AFAP1L2: variants seen among roughly 807,000 people sequenced by gnomAD.
AFAP1L2 encodes actin filament-associated protein 1-like 2.
AFAP1L2 carries 46 observed loss-of-function variants against 99.3 expected under a neutral mutation model. The observed-to-expected ratio is 0.46, with a 90% CI of 0.37 to 0.59. AFAP1L2 has a LOEUF of 0.59. AFAP1L2 is among the 20% of genes least tolerant of loss of function. AFAP1L2 has a pLI of 0.00. For missense variants in AFAP1L2, 959 were observed against 1,034.9 expected (o/e 0.93, Z 1.01); for synonymous variants, 397 against 419.1 (o/e 0.95, Z 0.64).
At chr10:114,337,459 A>T (rs762699373) in intron 2 of AFAP1L2, among the ~76,000 whole-genome samples, 2 of 152,234 alleles carry the variant, frequency 1.3e-5, no homozygotes, top group African/African-American at 4.8e-5. Context: ...GCTATTAACA[A>T]GTGGGCTTCG....
At position 114,301,377 on chromosome 10, in the gene AFAP1L2, C is replaced by G. The variant is rs1177630053; in HGVS notation, c.1519G>C (p.Asp507His). Residue 507 changes from aspartate (D) to histidine (H), a missense_variant, in exon 13 of 19, where the codon GAC becomes CAC. By Grantham distance (81) the Asp-to-His change is moderately conservative. Around this residue, in one of 2 missense-constraint regions of AFAP1L2, gnomAD observed 576 missense variants for 562.1 expected, o/e 1.02. Coordinates refer to ENST00000304129, the MANE Select transcript of AFAP1L2 (RefSeq NM_001001936.3). ...ACCGCAGCTGTGAGCTCTGACAGGT[C>G]CACGTCGTCATACAGCTCCTCCTGG... ...DRQEELYDDV[D>H]LSELTAAVEP... 5 of 1,614,080 alleles carry G rather than the reference C, an allele frequency of 3.1e-6. No homozygotes were observed. In the Admixed American group the frequency reaches 8.3e-5, roughly 27 times the overall value.
chr10:114,302,144 T>A, intron 12 of AFAP1L2, 195 bp downstream of exon 12: 1 of 804,502 alleles, frequency 1.2e-6, no homozygotes, highest in Non-Finnish European at 1.9e-6. Context: ...CTGGCTCGGC[T>A]CCTTGCTCTT....
At chr10:114,384,993 C>A (rs2056311162) in intron 1 of AFAP1L2, among the ~76,000 whole-genome samples, 1 of 152,184 alleles carries the variant, frequency 6.6e-6, no homozygotes, top group African/African-American at 2.4e-5. Context: ...GAACAGAGAC[C>A]CACATAGGCC....
At chr10:114,375,768 G>A (rs1455361813) in intron 1 of AFAP1L2, among the ~76,000 whole-genome samples, 2 of 152,092 alleles carry the variant, frequency 1.3e-5, no homozygotes, top group Non-Finnish European at 2.9e-5. Context: ...GAGTCCAGGA[G>A]TTCCAGACCA....
chr10:114,314,241 C>G (rs1473095171), intron 6 of AFAP1L2, among the ~76,000 whole-genome samples, 191 bp from the exon 7 acceptor site: 2 of 152,184 alleles, frequency 1.3e-5, no homozygotes, highest in Non-Finnish European at 2.9e-5. Context: ...CTGTTCTTCA[C>G]ATCAGATTGT....
chr10:114,297,824 AG>A (rs1219739469), intron 16 of AFAP1L2, among the ~76,000 whole-genome samples: 2 of 152,220 alleles, frequency 1.3e-5, no homozygotes, highest in Non-Finnish European at 2.9e-5. Context: ...CTAACAGAGC[AG>A]GAGTCCTCAG....
chr10:114,310,590 C>A, intron 7 of AFAP1L2, 147 bp from the exon 8 acceptor site: 1 of 690,870 alleles, frequency 1.4e-6, no homozygotes, highest in Non-Finnish European at 2.3e-6. Context: ...ACCCACCCGA[C>A]CCCAGCCCCA....
At chr10:114,363,317 G>T in intron 1 of AFAP1L2, 1 of 383,844 alleles carries the variant, frequency 2.6e-6, no homozygotes, top group Non-Finnish European at 3.6e-6. Flanking sequence ...CTGAGGCAGC[G>T]TTTCACTGGC....
At chr10:114,334,019 G>T (rs571843612) in intron 2 of AFAP1L2, among the ~76,000 whole-genome samples, 2 of 152,238 alleles carry the variant, frequency 1.3e-5, no homozygotes, top group African/African-American at 4.8e-5. Flanking sequence ...AGTTTAGTTC[G>T]CAGGCCTCTA....
intron 2 of AFAP1L2, among the ~76,000 whole-genome samples, chr10:114,336,034 T>C (rs967040277): frequency 2.0e-5 from 3 of 152,154 alleles, no homozygotes; most frequent in African/African-American, 7.2e-5. Context: ...GTTTTAAATG[T>C]TGGATTCTGA....
rs756020219 is a variant in AFAP1L2, at chr10:114,302,397, C to A, written c.1372G>T (p.Asp458Tyr). 3 of 1,614,158 alleles carry A rather than the reference C, an allele frequency of 1.9e-6. No homozygotes were observed. Among genetic ancestry groups the A allele is most frequent in the Admixed American group, 1.7e-5 (1 of 60,028 alleles). ...SKTDPEEFTY[D>Y]YVDADRVSCI... The stretch of plus-strand genomic sequence containing the variant: ...GAGACCCTATCGGCATCCACATAGT[C>A]GTAGGTGAACTCTTCTGGGTCTGTC... Residue 458 changes from aspartate (D) to tyrosine (Y), a missense_variant, in exon 12 of 19, where the codon GAC (aspartate) becomes TAC (tyrosine). Asp to Tyr is a radical substitution (Grantham distance 160). Transcript: ENST00000304129.
intron 1 of AFAP1L2, among the ~76,000 whole-genome samples, chr10:114,378,800 T>C (rs1338677685): frequency 2.6e-5 from 4 of 152,218 alleles, no homozygotes; most frequent in Non-Finnish European, 5.9e-5. Flanking sequence ...TTCCAGGCCA[T>C]GCACCAGATA....
intron 1 of AFAP1L2, among the ~76,000 whole-genome samples, chr10:114,341,841 T>C (rs1473274365): frequency 6.6e-6 from 1 of 152,026 alleles, no homozygotes; most frequent in Non-Finnish European, 1.5e-5. Flanking sequence ...TAGTTATCCG[T>C]ATAGATCTGC....
At chr10:114,312,644 G>A (rs144985750) in intron 7 of AFAP1L2, among the ~76,000 whole-genome samples, 162 of 152,344 alleles carry the variant, frequency 1.1e-3, no homozygotes, top group African/African-American at 3.8e-3. Context: ...CAGGGGTGAA[G>A]CCAGGATTTG....
In AFAP1L2 at chr10:114,295,187, C is replaced by T; in HGVS notation, c.*855G>A. ...ATCAGAGACTATTTATATTAAATAA[C>T]TCTTCCCTTAAAAATGGCCTGACCA... On this transcript the variant is annotated 3_prime_UTR_variant, in exon 19 of 19. Coordinates refer to ENST00000304129, the MANE Select transcript of AFAP1L2 (RefSeq NM_001001936.3). The T allele has an allele frequency of 1.0e-6, 1 of 985,734 alleles. No individual in the cohort carries two copies. Among genetic ancestry groups the T allele is most frequent in the Non-Finnish European group, 1.2e-6 (1 of 829,860 alleles). The allele number at this position is 985,734 out of a possible 1,614,324, so 61.1% of individuals were successfully genotyped here.
At chr10:114,315,324 A>G (rs2043944894) in intron 6 of AFAP1L2, among the ~76,000 whole-genome samples, 1 of 152,186 alleles carries the variant, frequency 6.6e-6, no homozygotes, top group Non-Finnish European at 1.5e-5. Flanking sequence ...GGTGGTAGTC[A>G]CAACCCCCTT....
intron 16 of AFAP1L2, 84 bp downstream of exon 16, chr10:114,299,176 G>A (rs947686828): frequency 1.3e-6 from 2 of 1,537,402 alleles, no homozygotes; most frequent in African/African-American, 1.4e-5. Context: ...GAGAAGGTGT[G>A]GTGACAGCCA....
At chr10:114,312,933 A>T (rs1296728317) in intron 7 of AFAP1L2, among the ~76,000 whole-genome samples, 2 of 152,184 alleles carry the variant, frequency 1.3e-5, no homozygotes, top group African/African-American at 4.8e-5. Context: ...CAAATCTAGG[A>T]TACTCAGCCT....
Position 114,378,410 on chromosome 10 carries a change from C to A in AFAP1L2, c.16+26030G>T, listed in dbSNP as rs541323677. Among the ~76,000 whole-genome samples the A allele has an allele frequency of 3.3e-5, 5 of 152,290 alleles. No homozygotes were observed. The East Asian group carries it at 9.6e-4, about 29-fold the overall frequency. ...GTGGAAGACACACCAAAATCAGAGCCCCTTCCAGGATAAGCTGATACACTT... is the reference window on the plus strand; with the variant it reads ...GTGGAAGACACACCAAAATCAGAGCACCTTCCAGGATAAGCTGATACACTT... On this transcript the variant is annotated intron_variant, in intron 1 of 18. Coordinates refer to ENST00000304129, the MANE Select transcript of AFAP1L2 (RefSeq NM_001001936.3).
Sources: allele counts gnomAD v4.1 joint callset (sites outside exome capture counted in the v4.1 genomes callset), GRCh38; gene constraint gnomAD v4.1.1; regional missense constraint gnomAD v4.1.1; transcripts MANE v1.5; gene names NCBI Gene and HGNC (gene_info 2026-07-23, HGNC 2026-07-21).